ESM1: variants seen among roughly 807,000 people sequenced by gnomAD.
The protein encoded by ESM1 is endothelial cell-specific molecule 1.
Under a neutral mutation model 14.9 loss-of-function variants are expected in ESM1, and 7 were observed. That is an observed-to-expected ratio of 0.47 (90% CI 0.27 to 0.88). The LOEUF (loss-of-function observed/expected upper bound fraction) is 0.88, where lower values mean the gene tolerates loss of function less well. ESM1 is among the 40% of genes least tolerant of loss of function. ESM1 has a pLI of 0.14. For synonymous variants in ESM1, 89 were observed against 89.4 expected, an observed-to-expected ratio of 1.00 and a Z score of 0.02; for missense variants, 192 against 237.9, an observed-to-expected ratio of 0.81 and a Z score of 1.27.
At position 54,979,171 on chromosome 5, in the gene ESM1, T is replaced by C. The variant is rs1168775396; in HGVS notation, c.*161A>G. 3.3e-6 allele frequency: 2 copies of C among 612,422 alleles called. No homozygotes were observed. The highest frequency in any genetic ancestry group is 4.0e-5 in the South Asian group (2 of 50,512). 37.9% of individuals were successfully genotyped at this position (612,422 alleles called of 1,614,324 possible). A position where few individuals can be genotyped will look rare whatever the true frequency, so the allele number is the denominator to read the frequency against. ...TGTTCAGTCATATGGATGTTATGGA[T>C]TGTAAGTATCCTACTTTTTGTTTTC... On this transcript the variant is annotated 3_prime_UTR_variant, in exon 3 of 3. Transcript: ENST00000381405.
intron 2 of ESM1, 82 bp from the exon 3 acceptor site, chr5:54,979,517 T>C (rs1744010426): frequency 2.2e-6 from 2 of 927,862 alleles, no homozygotes; most frequent in South Asian, 2.8e-5. Flanking sequence ...TTGTTTTACA[T>C]GGAATTTACA....
intron 2 of ESM1, among the ~76,000 whole-genome samples, chr5:54,979,921 G>T (rs929468338): frequency 6.6e-6 from 1 of 152,038 alleles, no homozygotes; most frequent in African/African-American, 2.4e-5. Context: ...CAGACCAATG[G>T]GTAGAACGTT....
At chr5:54,981,118 A>G (rs536156338) in intron 2 of ESM1, among the ~76,000 whole-genome samples, 6 of 152,330 alleles carry the variant, frequency 3.9e-5, no homozygotes, top group Admixed American at 2.0e-4. Flanking sequence ...AACTCAAACT[A>G]AGTAGCATAT....
chr5:54,979,674 C>CT (rs1039276126), intron 2 of ESM1, among the ~76,000 whole-genome samples: 2 of 152,158 alleles, frequency 1.3e-5, no homozygotes, highest in Non-Finnish European at 2.9e-5. Flanking sequence ...ATGTATTTGT[C>CT]TTTTTTTCCT....
chr5:54,984,433 T>C (rs941252230), intron 1 of ESM1, among the ~76,000 whole-genome samples: 3 of 152,224 alleles, frequency 2.0e-5, no homozygotes, highest in Non-Finnish European at 4.4e-5. Context: ...TATTTTAAAC[T>C]AGTTACTATG....
chr5:54,981,207 T>C (rs1203217615), intron 2 of ESM1, among the ~76,000 whole-genome samples: 2 of 152,194 alleles, frequency 1.3e-5, no homozygotes, highest in African/African-American at 4.8e-5. Context: ...TATATAAGAA[T>C]TATTAACTAC....
At chr5:54,983,451 T>A (rs1740437236) in intron 1 of ESM1, among the ~76,000 whole-genome samples, 1 of 152,224 alleles carries the variant, frequency 6.6e-6, no homozygotes, top group Admixed American at 6.5e-5. Flanking sequence ...CTGCTGATTG[T>A]TAATCTGGGC....
In ESM1 at chr5:54,982,074, C is replaced by T. The variant is rs1462157150; in HGVS notation, c.374G>A (p.Gly125Glu). 6.2e-7 allele frequency: 1 copy of T among 1,613,968 alleles called. No homozygotes were observed. Among genetic ancestry groups the T allele is most frequent in the African/African-American group, 1.3e-5 (1 of 74,910 alleles). Reference sequence around the variant, plus strand: ...GGGGAATTTCAGGCATTTTCCCGTCCCCCTGTCACAGATGCCTGACTGGCA... The same window carrying T: ...GGGGAATTTCAGGCATTTTCCCGTCTCCCTGTCACAGATGCCTGACTGGCA... ...CNCQSGICDR[G>E]TGKCLKFPFF... The change falls in exon 2 of 3, where the codon GGG becomes GAG. Residue 125 changes from glycine (G) to glutamate (E), a missense_variant. By Grantham distance (98) the Gly-to-Glu change is moderately conservative (BLOSUM62 -2). Transcript: ENST00000381405.
rs1580278539 is a variant in ESM1 at position 54,979,361 on chromosome 5, C to T, written c.526G>A (p.Val176Ile). 6.2e-6 allele frequency: 10 copies of T among 1,613,706 alleles called. No individual in the cohort carries two copies. The East Asian group carries it at 1.1e-4, about 18-fold the overall frequency. The change falls in exon 3 of 3, where the codon GTA becomes ATA. Residue 176 changes from valine to isoleucine, a missense_variant. Transcript: ENST00000381405. ...VVKENAAGSP[V>I]MRKWLNPR ...CGTGGATTTAACCATTTCCTCATTACGGGAGACCCGGCAGCATTCTCTTTC... is the reference window on the plus strand; with the variant it reads ...CGTGGATTTAACCATTTCCTCATTATGGGAGACCCGGCAGCATTCTCTTTC...
At chr5:54,984,022 TTC>T (rs572944530) in intron 1 of ESM1, among the ~76,000 whole-genome samples, 4 of 152,304 alleles carry the variant, frequency 2.6e-5, no homozygotes, top group Middle Eastern at 3.4e-3. Flanking sequence ...AATATTCTAT[TTC>T]TTATTGTATA....
chr5:54,979,429 T>C lies in ESM1; in HGVS notation c.458A>G (p.Asp153Gly), dbSNP rs950760667. 1 of 1,607,380 alleles carries C rather than the reference T, an allele frequency of 6.2e-7. No homozygotes were observed. Among genetic ancestry groups the C allele is most frequent in the South Asian group, 1.1e-5 (1 of 90,916 alleles). The change falls in exon 3 of 3, where the codon GAC becomes GGC. Residue 153 changes from aspartate (D) to glycine (G), a missense_variant. Physicochemically the swap from Asp to Gly is moderately conservative, Grantham distance 94. Coordinates refer to ENST00000381405, the MANE Select transcript of ESM1 (RefSeq NM_007036.5). ...AATATTGCCATCTCCAGATGCCATG[T>C]CATGCTCTGAAAGTAGACGGAATAC... Reference protein sequence around the residue: ...SNRFVSLTEHDMASGDGNIVR... With the variant: ...SNRFVSLTEHGMASGDGNIVR...
At position 54,979,147 on chromosome 5, in the gene ESM1, G is replaced by C. The variant is rs933074067; in HGVS notation, c.*185C>G. 3 of 563,184 alleles carry C rather than the reference G, an allele frequency of 5.3e-6. No homozygotes were observed. The African/African-American group carries it at 5.7e-5, about 11-fold the overall frequency. 34.9% of individuals were successfully genotyped at this position (563,184 alleles called of 1,614,324 possible). A position where few individuals can be genotyped will look rare whatever the true frequency, so the allele number is the denominator to read the frequency against. ...GAATATTTAACAAACACATACAAGT[G>C]TTCAGTCATATGGATGTTATGGATT... is the stretch of plus-strand genomic sequence containing the variant. On this transcript the variant is annotated 3_prime_UTR_variant, in exon 3 of 3. Coordinates refer to ENST00000381405, the MANE Select transcript of ESM1 (RefSeq NM_007036.5).
rs1333781768 is a variant in ESM1, at chr5:54,978,521, T to C, written c.*811A>G. On this transcript the variant is annotated 3_prime_UTR_variant, in exon 3 of 3. Transcript: ENST00000381405. ...ATAAATATGGGTAGGGAAGATGACTTGCACTAACACATTTATTTATAAAAA... is the reference window on the plus strand; with the variant it reads ...ATAAATATGGGTAGGGAAGATGACTCGCACTAACACATTTATTTATAAAAA... The C allele has an allele frequency of 3.3e-5, 5 of 152,112 alleles. No homozygotes were observed. Among genetic ancestry groups the C allele is most frequent in the Non-Finnish European group, 7.4e-5 (5 of 68,006 alleles). The allele number at this position is 152,112 out of a possible 1,614,324, so 9.4% of individuals were successfully genotyped here. A position where few individuals can be genotyped will look rare whatever the true frequency, so the allele number is the denominator to read the frequency against.
intron 2 of ESM1, among the ~76,000 whole-genome samples, chr5:54,980,284 C>T (rs570555458): frequency 1.8e-4 from 28 of 152,294 alleles, no homozygotes; most frequent in African/African-American, 6.5e-4. Context: ...AAGACAAGCT[C>T]GTGCTCTGGG....
chr5:54,979,212 T>A lies in ESM1; in HGVS notation c.*120A>T. ...TTTTGTTTTCTGGATCCACCATGCA[T>A]CACATTTGGTCTTCAAAAATTACAT... On this transcript the variant is annotated 3_prime_UTR_variant, in exon 3 of 3. Coordinates refer to ENST00000381405, the MANE Select transcript of ESM1 (RefSeq NM_007036.5). 1 of 720,116 alleles carries A rather than the reference T, an allele frequency of 1.4e-6. No homozygotes were observed. The highest frequency in any genetic ancestry group is 2.5e-6 in the Non-Finnish European group (1 of 405,698). 44.6% of individuals were successfully genotyped at this position (720,116 alleles called of 1,614,324 possible). A position where few individuals can be genotyped will look rare whatever the true frequency, so the allele number is the denominator to read the frequency against.
rs1580277804 is a variant in ESM1 at position 54,978,219 on chromosome 5, C to T, written c.*1113G>A. On this transcript the variant is annotated 3_prime_UTR_variant, in exon 3 of 3. Coordinates refer to ENST00000381405, the MANE Select transcript of ESM1 (RefSeq NM_007036.5). ...TGTTTTCTGCTGAAAATTGATTCTT[C>T]TTTTACAAACCTCCTAAAAACTTAT... is the stretch of plus-strand genomic sequence containing the variant. 6.6e-6 allele frequency: 1 copy of T among 152,098 alleles called. No individual in the cohort carries two copies. Among genetic ancestry groups the T allele is most frequent in the South Asian group, 2.1e-4 (1 of 4,824 alleles). 9.4% of individuals were successfully genotyped at this position (152,098 alleles called of 1,614,324 possible).
In ESM1 at chr5:54,978,361, T is replaced by A. The variant is rs993288789; in HGVS notation, c.*971A>T. On this transcript the variant is annotated 3_prime_UTR_variant, in exon 3 of 3. Transcript: ENST00000381405. Reference sequence around the variant, plus strand: ...CAGAGTGACTCTGTTTTTCTTATGCTTATTAAGGTTATTATTACTATAATT... The same window carrying A: ...CAGAGTGACTCTGTTTTTCTTATGCATATTAAGGTTATTATTACTATAATT... 6 of 152,060 alleles carry A rather than the reference T, an allele frequency of 3.9e-5. No individual in the cohort carries two copies. The highest frequency in any genetic ancestry group is 8.8e-5 in the Non-Finnish European group (6 of 68,016). The allele number at this position is 152,060 out of a possible 1,614,324, so 9.4% of individuals were successfully genotyped here.
rs865988327 is a variant in ESM1 at position 54,978,800 on chromosome 5, G to A, written c.*532C>T. On this transcript the variant is annotated 3_prime_UTR_variant, in exon 3 of 3. Transcript: ENST00000381405. ...TCTTACTTCCTTCAGGGGTTTTCTG[G>A]TTGTTTTATTTTGACTTTTCCCAAA... is the stretch of plus-strand genomic sequence containing the variant. The A allele has an allele frequency of 3.6e-5, 5 of 139,352 alleles. No homozygotes were observed. The highest frequency in any genetic ancestry group is 2.4e-4 in the South Asian group (1 of 4,228). 8.6% of individuals were successfully genotyped at this position (139,352 alleles called of 1,614,324 possible).
At position 54,979,422 on chromosome 5, in the gene ESM1, T is replaced by G. The variant is rs994912813; in HGVS notation, c.465A>C (p.Ala155=). Reference sequence around the variant, plus strand: ...CTCTCACAATATTGCCATCTCCAGATGCCATGTCATGCTCTGAAAGTAGAC... The same window carrying G: ...CTCTCACAATATTGCCATCTCCAGAGGCCATGTCATGCTCTGAAAGTAGAC... ...RFVSLTEHDM[A]SGDGNIVREE... is the part of the protein sequence containing the mutation. Residue 155 remains alanine, a synonymous_variant, in exon 3 of 3, where the codon GCA becomes GCC. Coordinates refer to ENST00000381405, the MANE Select transcript of ESM1 (RefSeq NM_007036.5). The G allele has an allele frequency of 6.2e-7, 1 of 1,609,278 alleles. No homozygotes were observed. Among genetic ancestry groups the G allele is most frequent in the African/African-American group, 1.3e-5 (1 of 74,828 alleles).
Sources: allele counts gnomAD v4.1 joint callset (sites outside exome capture counted in the v4.1 genomes callset), GRCh38; gene constraint gnomAD v4.1.1; transcripts MANE v1.5; gene names NCBI Gene and HGNC (gene_info 2026-07-23, HGNC 2026-07-21).